VCPIP1: variants seen among roughly 807,000 people sequenced by gnomAD.
VCPIP1 encodes valosin containing protein interacting protein 1.
In VCPIP1, 8 loss-of-function variants were observed where a neutral mutation model predicts 85.0. The observed-to-expected ratio is 0.09, with a 90% CI of 0.06 to 0.17. The LOEUF (loss-of-function observed/expected upper bound fraction) is 0.17. Among genes scored for constraint, VCPIP1 ranks in the 10% least tolerant of loss-of-function variants. The pLI, the probability that VCPIP1 is intolerant of heterozygous loss-of-function variation, is 1.00. For missense variants in VCPIP1, 1,070 were observed against 1,486.3 expected, an observed-to-expected ratio of 0.72 and a Z score of 4.61; for synonymous variants, 543 against 544.5, an observed-to-expected ratio of 1.00 and a Z score of 0.04.
In VCPIP1 at chr8:66,666,944, C is replaced by A; in HGVS notation, c.15G>T (p.Pro5=). 6.3e-7 allele frequency: 1 copy of A among 1,575,570 alleles called. No homozygotes were observed. Among genetic ancestry groups the A allele is most frequent in the Admixed American group, 2.0e-5 (1 of 49,718 alleles). ...GCGGCGGCAACGGAGGCGGCGGCGGCGGCGGCTGAGACATAGCTCCTGGCT... is the reference window on the plus strand; with the variant it reads ...GCGGCGGCAACGGAGGCGGCGGCGGAGGCGGCTGAGACATAGCTCCTGGCT... MSQP[P]PPPPPLPPPP... The change falls in exon 1 of 3, where the codon CCG becomes CCT. Residue 5 remains proline (P), a synonymous_variant. Coordinates refer to ENST00000310421, the MANE Select transcript of VCPIP1 (RefSeq NM_025054.5). This position sits in a 1 kb window ranked among gnomAD's most constrained non-coding sequence, Gnocchi z 6.3.
chr8:66,646,934 A>C (rs913030629), intron 2 of VCPIP1, among the ~76,000 whole-genome samples: 25 of 152,186 alleles, frequency 1.6e-4, no homozygotes, highest in African/African-American at 5.1e-4. Context: ...CTGAGACAGG[A>C]GAATCACTTG....
At chr8:66,648,127 T>A (rs1811014028) in intron 2 of VCPIP1, among the ~76,000 whole-genome samples, 1 of 152,078 alleles carries the variant, frequency 6.6e-6, no homozygotes, top group Non-Finnish European at 1.5e-5. Flanking sequence ...GTGACACATC[T>A]ATATCATGGA....
chr8:66,650,404 T>C (rs993756071), intron 2 of VCPIP1, among the ~76,000 whole-genome samples: 8 of 151,998 alleles, frequency 5.3e-5, no homozygotes, highest in African/African-American at 1.9e-4. Flanking sequence ...GTAGGTGAAA[T>C]AGATAAGCCA....
intron 1 of VCPIP1, among the ~76,000 whole-genome samples, chr8:66,662,551 T>C (rs901948032): frequency 6.6e-6 from 1 of 152,192 alleles, no homozygotes; most frequent in African/African-American, 2.4e-5. Flanking sequence ...TGAGCACTAT[T>C]ATCAGGTTCT....
At position 66,632,557 on chromosome 8, in the gene VCPIP1, G is replaced by A. The variant is rs184652544; in HGVS notation, c.*1944C>T. The A allele has an allele frequency of 6.6e-5, 10 of 152,200 alleles. No individual in the cohort carries two copies. In the East Asian group the frequency reaches 1.7e-3, roughly 26 times the overall value. The allele number at this position is 152,200 out of a possible 1,614,324, so 9.4% of individuals were successfully genotyped here. On this transcript the variant is annotated 3_prime_UTR_variant, in exon 3 of 3. Transcript: ENST00000310421. ...ATAAAGTTTGTTTCTGGTATTTTATGTTAATGCTATGAGATATCTGTCAGT... is the reference window on the plus strand; with the variant it reads ...ATAAAGTTTGTTTCTGGTATTTTATATTAATGCTATGAGATATCTGTCAGT...
chr8:66,662,238 A>G (rs1373345535), intron 1 of VCPIP1, among the ~76,000 whole-genome samples: 2 of 152,230 alleles, frequency 1.3e-5, no homozygotes, highest in East Asian at 3.8e-4. Context: ...CCTGATGAAC[A>G]TGGAAATCAG....
chr8:66,657,618 G>C (rs1007205394), intron 1 of VCPIP1, among the ~76,000 whole-genome samples: 5 of 152,134 alleles, frequency 3.3e-5, no homozygotes, highest in African/African-American at 1.2e-4. Context: ...ATCATACACA[G>C]ACATGCACAC....
rs1344405325 is a variant in VCPIP1, at chr8:66,632,032, G to T, written c.*2469C>A. On this transcript the variant is annotated 3_prime_UTR_variant, in exon 3 of 3. Coordinates refer to ENST00000310421, the MANE Select transcript of VCPIP1 (RefSeq NM_025054.5). ...TGAAGCACTGCAAACAGAATTGCAG[G>T]AATGCATTTTAGTTATAATGTTACC... 3 of 147,042 alleles carry T rather than the reference G, an allele frequency of 2.0e-5. No individual in the cohort carries two copies. Among genetic ancestry groups the T allele is most frequent in the African/African-American group, 7.6e-5 (3 of 39,616 alleles). 9.1% of individuals were successfully genotyped at this position (147,042 alleles called of 1,614,324 possible).
At chr8:66,660,695 T>C (rs1586629567) in intron 1 of VCPIP1, among the ~76,000 whole-genome samples, 1 of 152,228 alleles carries the variant, frequency 6.6e-6, no homozygotes, top group Non-Finnish European at 1.5e-5. Flanking sequence ...TCTTTACATA[T>C]GGTTAGTATT....
intron 2 of VCPIP1, among the ~76,000 whole-genome samples, chr8:66,641,469 C>T (rs1046193364): frequency 2.6e-5 from 4 of 152,126 alleles, no homozygotes; most frequent in Non-Finnish European, 5.9e-5. Flanking sequence ...TCAACAGATC[C>T]TTCCACCTCA....
chr8:66,640,052 A>G (rs1467632403), intron 2 of VCPIP1, among the ~76,000 whole-genome samples: 1 of 152,192 alleles, frequency 6.6e-6, no homozygotes, highest in Non-Finnish European at 1.5e-5. Flanking sequence ...AAGTTTACCT[A>G]GGTAACAAAC....
At position 66,666,147 on chromosome 8, in the gene VCPIP1, T is replaced by C. The variant is rs1811206787; in HGVS notation, c.812A>G (p.Asn271Ser). Residue 271 changes from asparagine (N) to serine (S), a missense_variant, in exon 1 of 3, where the codon AAT becomes AGT. Around this residue, in one of 8 missense-constraint regions of VCPIP1, gnomAD observed 118 missense variants for 337.1 expected, o/e 0.35. Coordinates refer to ENST00000310421, the MANE Select transcript of VCPIP1 (RefSeq NM_025054.5). This position sits in a 1 kb window ranked among gnomAD's most constrained non-coding sequence, Gnocchi z 6.3. Reference sequence around the variant, plus strand: ...TGGTACAAACAGAGGGTCACACTCATTGATAATGTCCTCCCACTCAGCAGC... The same window carrying C: ...TGGTACAAACAGAGGGTCACACTCACTGATAATGTCCTCCCACTCAGCAGC... ...IDAAEWEDII[N>S]ECDPLFVPPE... 2.5e-6 allele frequency: 4 copies of C among 1,614,186 alleles called. No homozygotes were observed. Among genetic ancestry groups the C allele is most frequent in the South Asian group, 2.2e-5 (2 of 91,090 alleles).
chr8:66,633,689 C>A lies in VCPIP1; in HGVS notation c.*812G>T, dbSNP rs1336603984. On this transcript the variant is annotated 3_prime_UTR_variant, in exon 3 of 3. Coordinates refer to ENST00000310421, the MANE Select transcript of VCPIP1 (RefSeq NM_025054.5). Reference sequence around the variant, plus strand: ...AAAGATAAACTCTTATTTATAAATTCTCTACTGCTACCATTATTTCTTTTT... The same window carrying A: ...AAAGATAAACTCTTATTTATAAATTATCTACTGCTACCATTATTTCTTTTT... 1.3e-5 allele frequency: 2 copies of A among 151,794 alleles called. No homozygotes were observed. The highest frequency in any genetic ancestry group is 2.4e-5 in the African/African-American group (1 of 41,312). The allele number at this position is 151,794 out of a possible 1,614,324, so 9.4% of individuals were successfully genotyped here. A position where few individuals can be genotyped will look rare whatever the true frequency, so the allele number is the denominator to read the frequency against.
intron 1 of VCPIP1, 127 bp downstream of exon 1, chr8:66,664,120 ATT>A (rs1811182985): frequency 3.3e-6 from 4 of 1,200,976 alleles, no homozygotes; most frequent in African/African-American, 1.5e-5. Context: ...ACTAAAAATA[ATT>A]CTCTCCTGAA....
In VCPIP1 at chr8:66,651,567, G is replaced by A. The variant is rs201135521; in HGVS notation, c.2711-23C>T. 1,544 of 1,592,736 alleles carry A rather than the reference G, an allele frequency of 9.7e-4. 6 individuals are homozygous for A. Among genetic ancestry groups the A allele is most frequent in the Middle Eastern group, 5.0e-3 (30 of 5,986 alleles). Reference sequence around the variant, plus strand: ...CTCCTGTAAGACAAAAACAGATATAGTATTAGCAACAAACAAAAGAGTTCC... The same window carrying A: ...CTCCTGTAAGACAAAAACAGATATAATATTAGCAACAAACAAAAGAGTTCC... On this transcript the variant is annotated intron_variant, in intron 1 of 2. Coordinates refer to ENST00000310421, the MANE Select transcript of VCPIP1 (RefSeq NM_025054.5).
chr8:66,642,484 C>T (rs940891606), intron 2 of VCPIP1, among the ~76,000 whole-genome samples: 1 of 152,014 alleles, frequency 6.6e-6, no homozygotes, highest in Admixed American at 6.6e-5. Context: ...AAGATTATGC[C>T]TAATCCAAGG....
intron 1 of VCPIP1, among the ~76,000 whole-genome samples, chr8:66,662,314 CAG>C (rs1811165660): frequency 6.6e-6 from 1 of 152,196 alleles, no homozygotes; most frequent in Non-Finnish European, 1.5e-5. Context: ...TACCCCTCGA[CAG>C]AGATTACCTT....
intron 1 of VCPIP1, among the ~76,000 whole-genome samples, chr8:66,662,973 C>T (rs1363638587): frequency 1.3e-5 from 2 of 151,470 alleles, no homozygotes; most frequent in African/African-American, 2.4e-5. Context: ...GGCATGGAGG[C>T]GTGGGCCTGT....
intron 1 of VCPIP1, among the ~76,000 whole-genome samples, chr8:66,654,629 CA>C (rs1376198665): frequency 6.6e-6 from 1 of 152,124 alleles, no homozygotes; most frequent in African/African-American, 2.4e-5. Context: ...TTGTTGGTAC[CA>C]AAATGAGGAA....
Sources: gnomAD v4.1 joint callset for allele counts (sites outside exome capture counted in the v4.1 genomes callset) on GRCh38, gnomAD v4.1.1 for gene constraint, gnomAD v4.1.1 regional missense constraint, Gnocchi (gnomAD v3.1) non-coding constraint, MANE v1.5 for transcripts, NCBI Gene and HGNC (gene_info 2026-07-23, HGNC 2026-07-21) for gene names.